Variants in TMTC1 observed in about 807,000 individuals in gnomAD.
TMTC1 encodes protein O-mannosyl-transferase TMTC1.
A neutral mutation model predicts 104.8 loss-of-function variants in TMTC1; 73 were observed. The ratio of observed to expected loss-of-function variants is 0.70; its 90% CI spans 0.58 to 0.85. The LOEUF (loss-of-function observed/expected upper bound fraction) is 0.85. TMTC1 is among the 40% of genes least tolerant of loss of function. The pLI, the probability that TMTC1 is intolerant of heterozygous loss-of-function variation, is 0.00. For synonymous variants in TMTC1, 434 were observed against 428.7 expected, an observed-to-expected ratio of 1.01 and a Z score of -0.15; for missense variants, 1,035 against 1,096.1, an observed-to-expected ratio of 0.94 and a Z score of 0.79.
At chr12:29,579,598 A>G (rs915314483) in intron 8 of TMTC1, among the ~76,000 whole-genome samples, 2 of 152,218 alleles carry the variant, frequency 1.3e-5, no homozygotes, top group African/African-American at 2.4e-5. Flanking sequence ...ATGCGAAAGG[A>G]AATATGTTTG....
intron 10 of TMTC1, among the ~76,000 whole-genome samples, chr12:29,539,778 T>C (rs1005572050): frequency 3.3e-5 from 5 of 152,206 alleles, no homozygotes; most frequent in African/African-American, 1.2e-4. Context: ...GAATCATGGA[T>C]AGACTCCAAC....
At chr12:29,617,946 G>A (rs1393568799) in intron 6 of TMTC1, among the ~76,000 whole-genome samples, 1 of 152,138 alleles carries the variant, frequency 6.6e-6, no homozygotes, top group African/African-American at 2.4e-5. Flanking sequence ...ACATTTTAAA[G>A]TAATCACCCT....
chr12:29,630,646 T>C lies in TMTC1; in HGVS notation c.1128+2501A>G, dbSNP rs55778831. ...TTTGTTCCCTAAAATTTCTGAATAA[T>C]TGATGACACTGAGTTCGTCCATTTG... is the stretch of plus-strand genomic sequence containing the variant. On this transcript the variant is annotated intron_variant, in intron 6 of 17. Coordinates refer to ENST00000539277, the MANE Select transcript of TMTC1 (RefSeq NM_001193451.2). Among the ~76,000 whole-genome samples the C allele has an allele frequency of 5.4e-3, 829 of 152,326 alleles. 9 individuals carry two copies. The highest frequency in any genetic ancestry group is 0.019 in the African/African-American group (782 of 41,578).
chr12:29,752,280 A>G (rs1468105883), intron 4 of TMTC1, among the ~76,000 whole-genome samples: 2 of 152,156 alleles, frequency 1.3e-5, no homozygotes, highest in Non-Finnish European at 2.9e-5. Flanking sequence ...CATCCAATTA[A>G]TTACATTTTT....
intron 5 of TMTC1, among the ~76,000 whole-genome samples, chr12:29,682,626 T>C (rs921664632): frequency 8.5e-5 from 13 of 152,184 alleles, no homozygotes; most frequent in African/African-American, 2.9e-4. Flanking sequence ...AAAGACATTA[T>C]GGTGAAAAAA....
chr12:29,756,080 C>T (rs1007555364), intron 3 of TMTC1, among the ~76,000 whole-genome samples, 195 bp from the exon 4 acceptor site: 1 of 152,180 alleles, frequency 6.6e-6, no homozygotes, highest in Non-Finnish European at 1.5e-5. Context: ...ACACAGACTA[C>T]GGTATGTAAC....
At chr12:29,565,954 G>A (rs1475631233) in intron 9 of TMTC1, among the ~76,000 whole-genome samples, 1 of 152,216 alleles carries the variant, frequency 6.6e-6, no homozygotes, top group Non-Finnish European at 1.5e-5. Flanking sequence ...CCTTCATGCT[G>A]GGGATAAGGA....
At chr12:29,598,454 C>T (rs371823942) in intron 7 of TMTC1, among the ~76,000 whole-genome samples, 7 of 152,318 alleles carry the variant, frequency 4.6e-5, no homozygotes, top group African/African-American at 1.7e-4. Context: ...TGATAAAGAT[C>T]GCACTGAATC....
At chr12:29,644,146 T>C (rs1022869358) in intron 5 of TMTC1, among the ~76,000 whole-genome samples, 1 of 62,060 alleles carries the variant, frequency 1.6e-5, no homozygotes, top group African/African-American at 6.3e-5. Context: ...TGTGTGTGTG[T>C]GTGTATATAT....
intron 5 of TMTC1, among the ~76,000 whole-genome samples, chr12:29,684,427 T>C (rs1941027068): frequency 1.3e-5 from 2 of 152,318 alleles, no homozygotes; most frequent in South Asian, 4.1e-4. Flanking sequence ...ATACATCACA[T>C]TTGAAGTTGA....
intron 5 of TMTC1, among the ~76,000 whole-genome samples, chr12:29,749,636 T>C (rs1390727076): frequency 6.6e-6 from 1 of 152,198 alleles, no homozygotes; most frequent in East Asian, 1.9e-4. Flanking sequence ...ATTTTCTCAG[T>C]GTTTTAACCC....
chr12:29,515,240 C>T (rs1489346529), intron 15 of TMTC1, among the ~76,000 whole-genome samples: 1 of 152,156 alleles, frequency 6.6e-6, no homozygotes, highest in Non-Finnish European at 1.5e-5. Context: ...ACCAGCCCCT[C>T]TCAGGTCCTA....
Position 29,506,915 on chromosome 12 carries a change from C to T in TMTC1, c.2580G>A (p.Lys860=), listed in dbSNP as rs1402178656. 1.2e-6 allele frequency: 2 copies of T among 1,613,956 alleles called. No homozygotes were observed. Among genetic ancestry groups the T allele is most frequent in the Non-Finnish European group, 8.5e-7 (1 of 1,179,992 alleles). The part of the protein sequence containing the change: ...LQLVPDSKLL[K]ENLAKLDRLE... The stretch of plus-strand genomic sequence containing the variant: ...GGCGATCCAATTTGGCAAGATTTTC[C>T]TTCAGCAGTTTGCTGTCTGGAACCA... Residue 860 remains lysine, a synonymous_variant, in exon 18 of 18, where the codon AAG becomes AAA. Coordinates refer to ENST00000539277, the MANE Select transcript of TMTC1 (RefSeq NM_001193451.2).
intron 10 of TMTC1, among the ~76,000 whole-genome samples, chr12:29,542,688 T>C: frequency 6.6e-6 from 1 of 152,172 alleles, no homozygotes; most frequent in African/African-American, 2.4e-5. Flanking sequence ...GGAGGCTAAA[T>C]ATAATAGGAT....
At chr12:29,775,056 T>C (rs1943676996) in intron 1 of TMTC1, among the ~76,000 whole-genome samples, 1 of 152,056 alleles carries the variant, frequency 6.6e-6, no homozygotes, top group Non-Finnish European at 1.5e-5. Flanking sequence ...GTAATAACTG[T>C]ACTAAAGAAA....
intron 7 of TMTC1, among the ~76,000 whole-genome samples, chr12:29,588,389 C>G (rs1177364007): frequency 6.6e-6 from 1 of 152,184 alleles, no homozygotes. Flanking sequence ...CTGTGCCTGA[C>G]CACAGTGGCT....
intron 10 of TMTC1, 102 bp downstream of exon 10, chr12:29,556,755 C>T (rs1023857864): frequency 1.4e-6 from 2 of 1,470,798 alleles, no homozygotes; most frequent in South Asian, 2.6e-5. Context: ...AATTATTCAG[C>T]TCCAGAGAGA....
intron 10 of TMTC1, among the ~76,000 whole-genome samples, chr12:29,554,242 T>G (rs1198445922): frequency 6.6e-6 from 1 of 152,168 alleles, no homozygotes; most frequent in Non-Finnish European, 1.5e-5. Flanking sequence ...AATAAGTAGA[T>G]CTAATTTTTG....
intron 1 of TMTC1, among the ~76,000 whole-genome samples, chr12:29,777,202 C>T (rs1943730793): frequency 1.3e-5 from 2 of 152,018 alleles, no homozygotes; most frequent in African/African-American, 4.8e-5. Flanking sequence ...TCGAGCAATT[C>T]TCCTGCCTCA....
Sources: allele counts gnomAD v4.1 joint callset (sites outside exome capture counted in the v4.1 genomes callset), GRCh38; gene constraint gnomAD v4.1.1; transcripts MANE v1.5; gene names NCBI Gene and HGNC (gene_info 2026-07-23, HGNC 2026-07-21).